Variants in ZNF496 observed in about 807,000 individuals in gnomAD.
ZNF496 encodes the protein zinc finger protein 496.
In ZNF496, 11 loss-of-function variants were observed where a neutral mutation model predicts 58.9. That is an observed-to-expected ratio of 0.19 (90% CI 0.12 to 0.31). The LOEUF is 0.31. ZNF496 is among the 10% of genes least tolerant of loss of function. The probability of loss-of-function intolerance (pLI) is 1.00; values close to 1 mark genes in which losing one functional copy is unlikely to be tolerated. For missense variants in ZNF496, 660 were observed against 783.0 expected, an observed-to-expected ratio of 0.84 and a Z score of 1.88; for synonymous variants, 338 against 318.2, an observed-to-expected ratio of 1.06 and a Z score of -0.66.
Position 247,300,962 on chromosome 1 carries a change from C to T in ZNF496, c.1321G>A (p.Gly441Arg), listed in dbSNP as rs145725779. 8.7e-6 allele frequency: 14 copies of T among 1,613,814 alleles called. No individual in the cohort carries two copies. The highest frequency in any genetic ancestry group is 5.0e-5 in the Admixed American group (3 of 60,012). ...QEKPHECSVCGELFSDSEDLD... is the reference protein window; with the variant it reads ...QEKPHECSVCRELFSDSEDLD... ...TCCTCGCTGTCGCTGAACAGCTCCC[C>T]GCACACCGAGCACTCGTGCGGCTTC... is the stretch of plus-strand genomic sequence containing the variant. The change falls in exon 10 of 10, where the codon GGG becomes AGG. Residue 441 changes from glycine to arginine, a missense_variant. By Grantham distance (125) the Gly-to-Arg change is moderately radical. Transcript: ENST00000682384. The surrounding 1 kb of genome is among the most constrained non-coding windows in gnomAD (Gnocchi z 5.7).
In ZNF496 at chr1:247,300,566, G is replaced by A; in HGVS notation, c.1717C>T (p.Arg573Cys). The change falls in exon 10 of 10, where the codon CGC (arginine) becomes TGC (cysteine). Residue 573 changes from arginine to cysteine, a missense_variant. Coordinates refer to ENST00000682384, the MANE Select transcript of ZNF496 (RefSeq NM_032752.3). The surrounding 1 kb of genome is among the most constrained non-coding windows in gnomAD (Gnocchi z 5.7). ...TQNYDLLRHE[R>C]LHMKRRSKQA... Reference sequence around the variant, plus strand: ...TTGGAACGGCGCTTCATGTGCAGGCGCTCGTGGCGGAGGAGGTCATAGTTC... The same window carrying A: ...TTGGAACGGCGCTTCATGTGCAGGCACTCGTGGCGGAGGAGGTCATAGTTC... The A allele has an allele frequency of 6.2e-7, 1 of 1,612,534 alleles. No individual in the cohort carries two copies. The highest frequency in any genetic ancestry group is 1.1e-5 in the South Asian group (1 of 91,048).
Position 247,300,668 on chromosome 1 carries a change from G to A in ZNF496, c.1615C>T (p.Arg539Trp), listed in dbSNP as rs750169761. The A allele has an allele frequency of 8.7e-6, 14 of 1,614,052 alleles. No homozygotes were observed. The highest frequency in any genetic ancestry group is 1.1e-5 in the Non-Finnish European group (13 of 1,180,048). The change falls in exon 10 of 10, where the codon CGG becomes TGG. Residue 539 changes from arginine (R) to tryptophan (W), a missense_variant. By Grantham distance (101) the Arg-to-Trp change is moderately radical. Coordinates refer to ENST00000682384, the MANE Select transcript of ZNF496 (RefSeq NM_032752.3). This position sits in a 1 kb window ranked among gnomAD's most constrained non-coding sequence, Gnocchi z 5.7. The part of the protein sequence containing the change: ...KAFQRHDHLA[R>W]HRSHFHLKDK... ...TTCAGGTGAAAGTGGCTGCGGTGCC[G>A]AGCCAGGTGGTCGTGCCGCTGGAAG...
chr1:247,323,306 C>T (rs947221661), intron 5 of ZNF496, 76 bp from the exon 6 acceptor site: 58 of 1,064,444 alleles, frequency 5.4e-5, no homozygotes, highest in Middle Eastern at 4.2e-4. Flanking sequence ...GAGCTTCCTG[C>T]GGCTCTTCAT....
rs1379720374 is a variant in ZNF496 at position 247,309,527 on chromosome 1, T to C, written c.892+172A>G. Reference sequence around the variant, plus strand: ...GCCTGGCAAAATTAAGATCCTCCATTCTTTCTATGAAAAGTCAGGGACAAG... The same window carrying C: ...GCCTGGCAAAATTAAGATCCTCCATCCTTTCTATGAAAAGTCAGGGACAAG... On this transcript the variant is annotated intron_variant, in intron 8 of 9. Transcript: ENST00000682384. The surrounding 1 kb of genome is among the most constrained non-coding windows in gnomAD (Gnocchi z 4.3). 1.4e-6 allele frequency: 2 copies of C among 1,418,796 alleles called. No individual in the cohort carries two copies. Among genetic ancestry groups the C allele is most frequent in the Non-Finnish European group, 1.8e-6 (2 of 1,090,526 alleles). 87.9% of individuals were successfully genotyped at this position (1,418,796 alleles called of 1,614,324 possible).
intron 9 of ZNF496, among the ~76,000 whole-genome samples, 159 bp from the exon 10 acceptor site, chr1:247,301,435 G>A (rs1001604353): frequency 2.6e-5 from 4 of 152,314 alleles, no homozygotes; most frequent in African/African-American, 9.6e-5. Flanking sequence ...AGGGGCCACT[G>A]GTGTAGCCTG....
intron 5 of ZNF496, among the ~76,000 whole-genome samples, chr1:247,323,818 A>G (rs979050194): frequency 2.0e-5 from 3 of 152,012 alleles, no homozygotes; most frequent in Non-Finnish European, 2.9e-5. Context: ...TGAGGAATCT[A>G]TAAGGACTCT....
At chr1:247,320,225 C>T (rs1337009489) in intron 6 of ZNF496, among the ~76,000 whole-genome samples, 3 of 152,108 alleles carry the variant, frequency 2.0e-5, no homozygotes, top group African/African-American at 2.4e-5. Flanking sequence ...CAAAACAACC[C>T]GGATAGTCCT....
chr1:247,328,207 A>G (rs1180799411), intron 5 of ZNF496, among the ~76,000 whole-genome samples: 2 of 152,186 alleles, frequency 1.3e-5, no homozygotes, highest in African/African-American at 4.8e-5. Flanking sequence ...CACACTAGAC[A>G]CCACCCTGTG....
At position 247,331,549 on chromosome 1, in the gene ZNF496, G is replaced by T. The variant is rs1339691569; in HGVS notation, c.-271C>A. ...CCGGCCGGGCGTACTCGCTGAGGCG[G>T]GGTCTCCGCAGGCGCCCGGCTCCTT... On this transcript the variant is annotated 5_prime_UTR_variant, in exon 2 of 10. Coordinates refer to ENST00000682384, the MANE Select transcript of ZNF496 (RefSeq NM_032752.3). 6.6e-6 allele frequency: 1 copy of T among 152,206 alleles called. No homozygotes were observed. The highest frequency in any genetic ancestry group is 2.4e-5 in the African/African-American group (1 of 41,432). The allele number at this position is 152,206 out of a possible 1,614,324, so 9.4% of individuals were successfully genotyped here. A position where few individuals can be genotyped will look rare whatever the true frequency, so the allele number is the denominator to read the frequency against.
At chr1:247,323,338 A>T (rs1660020046) in intron 5 of ZNF496, 108 bp from the exon 6 acceptor site, 1 of 755,716 alleles carries the variant, frequency 1.3e-6, no homozygotes, top group African/African-American at 1.8e-5. Context: ...TAGCAAAGAA[A>T]ATCACAAGAG....
Position 247,300,295 on chromosome 1 carries a change from T to G in ZNF496, c.*224A>C. 2.2e-6 allele frequency: 1 copy of G among 450,436 alleles called. No individual in the cohort carries two copies. Among genetic ancestry groups the G allele is most frequent in the Admixed American group, 3.8e-5 (1 of 26,490 alleles). The allele number at this position is 450,436 out of a possible 1,614,324, so 27.9% of individuals were successfully genotyped here. ...CTGGTGATGGCACATCCCCCCCGTT[T>G]TTTGGCACAGCAGAAACAGAACACT... On this transcript the variant is annotated 3_prime_UTR_variant, in exon 10 of 10. Transcript: ENST00000682384. This position sits in a 1 kb window ranked among gnomAD's most constrained non-coding sequence, Gnocchi z 5.7.
At position 247,329,441 on chromosome 1, in the gene ZNF496, G is replaced by A. The variant is rs1463209836; in HGVS notation, c.138C>T (p.Arg46=). ...CCGCCGCCTCCTGGTAGCGGAAACGGCGGAAGAGACGCCGAGAGGACTCGG... is the reference window on the plus strand; with the variant it reads ...CCGCCGCCTCCTGGTAGCGGAAACGACGGAAGAGACGCCGAGAGGACTCGG... ...PSPESSRRLF[R]RFRYQEAAGP... The change falls in exon 4 of 10, where the codon CGC becomes CGT. Residue 46 remains arginine, a synonymous_variant. Transcript: ENST00000682384. This position sits in a 1 kb window ranked among gnomAD's most constrained non-coding sequence, Gnocchi z 5.5. 1.2e-6 allele frequency: 2 copies of A among 1,612,930 alleles called. No individual in the cohort carries two copies. Among genetic ancestry groups the A allele is most frequent in the Non-Finnish European group, 1.7e-6 (2 of 1,179,578 alleles).
chr1:247,315,665 C>T (rs991375835), intron 6 of ZNF496, among the ~76,000 whole-genome samples: 18 of 151,878 alleles, frequency 1.2e-4, no homozygotes, highest in African/African-American at 1.7e-4. Flanking sequence ...AGAGGGAGAA[C>T]GGGGAAAGTG....
intron 5 of ZNF496, among the ~76,000 whole-genome samples, chr1:247,324,079 G>GAAA (rs61548661): frequency 3.7e-4 from 33 of 88,226 alleles, no homozygotes; most frequent in East Asian, 5.7e-4. Flanking sequence ...TGTCTCAAAT[G>GAAA]AAAAAAAAAA....
intron 6 of ZNF496, chr1:247,322,592 T>G: frequency 1.8e-6 from 1 of 560,584 alleles, no homozygotes; most frequent in Non-Finnish European, 2.8e-6. Context: ...GATCACCTGC[T>G]GGACCAGCCC....
Position 247,300,614 on chromosome 1 carries a change from A to G in ZNF496, c.1669T>C (p.Tyr557His). The change falls in exon 10 of 10, where the codon TAC becomes CAC. Residue 557 changes from tyrosine to histidine, a missense_variant. Physicochemically the swap from Tyr to His is moderately conservative, Grantham distance 83. Coordinates refer to ENST00000682384, the MANE Select transcript of ZNF496 (RefSeq NM_032752.3). The surrounding 1 kb of genome is among the most constrained non-coding windows in gnomAD (Gnocchi z 5.7). ...TTCTGCGTGAAGCTCTTGACGCAGT[A>G]CCGGCACTGGAAGGGCCGGGCTTTG... Reference protein sequence around the residue: ...KDKARPFQCRYCVKSFTQNYD... With the variant: ...KDKARPFQCRHCVKSFTQNYD... 1 of 1,614,076 alleles carries G rather than the reference A, an allele frequency of 6.2e-7. No individual in the cohort carries two copies.
rs750867338 is a variant in ZNF496, at chr1:247,300,968, C to A, written c.1315G>T (p.Val439Leu). The stretch of plus-strand genomic sequence containing the variant: ...CTGTCGCTGAACAGCTCCCCGCACA[C>A]CGAGCACTCGTGCGGCTTCTCCTGC... ...REQEKPHECS[V>L]CGELFSDSED... Residue 439 changes from valine to leucine, a missense_variant, in exon 10 of 10, where the codon GTG (valine) becomes TTG (leucine). Val to Leu is a conservative substitution (Grantham distance 32). Transcript: ENST00000682384. This position sits in a 1 kb window ranked among gnomAD's most constrained non-coding sequence, Gnocchi z 5.7. The A allele has an allele frequency of 1.2e-6, 2 of 1,613,916 alleles. No individual in the cohort carries two copies. Among genetic ancestry groups the A allele is most frequent in the Non-Finnish European group, 1.7e-6 (2 of 1,180,042 alleles).
intron 5 of ZNF496, among the ~76,000 whole-genome samples, chr1:247,326,224 A>T (rs1660124681): frequency 6.6e-6 from 1 of 151,790 alleles, no homozygotes; most frequent in Non-Finnish European, 1.5e-5. Context: ...CCTTTCAAGA[A>T]TCACTTCGGA....
intron 9 of ZNF496, among the ~76,000 whole-genome samples, chr1:247,301,590 C>T (rs970975046): frequency 1.3e-5 from 2 of 152,152 alleles, no homozygotes; most frequent in Non-Finnish European, 2.9e-5. Context: ...CCCCCAAGCT[C>T]TAGGAGTCTG....
Sources: gnomAD v4.1 joint callset for allele counts (sites outside exome capture counted in the v4.1 genomes callset) on GRCh38, gnomAD v4.1.1 for gene constraint, Gnocchi (gnomAD v3.1) non-coding constraint, MANE v1.5 for transcripts, NCBI Gene and HGNC (gene_info 2026-07-23, HGNC 2026-07-21) for gene names.